The following ITPR1 variants were observed in gnomAD, a reference collection of about 807,000 sequenced individuals.
ITPR1 encodes inositol 1,4,5-trisphosphate receptor type 1, also known as inositol 1,4,5-trisphosphate-gated calcium channel ITPR1.
In ITPR1, 96 loss-of-function variants were observed where a neutral mutation model predicts 318.4. That is an observed-to-expected ratio of 0.30 (90% CI 0.26 to 0.36). The LOEUF is 0.36. Among genes scored for constraint, ITPR1 ranks in the 10% least tolerant of loss-of-function variants. ITPR1 has a pLI of 1.00. For missense variants in ITPR1, 2,440 were observed against 3,460.2 expected, an observed-to-expected ratio of 0.71 and a Z score of 7.40; for synonymous variants, 1,312 against 1,289.9, an observed-to-expected ratio of 1.02 and a Z score of -0.37.
intron 2 of ITPR1, among the ~76,000 whole-genome samples, chr3:4,496,903 A>G (rs1428511927): frequency 6.6e-6 from 1 of 152,254 alleles, no homozygotes; most frequent in Non-Finnish European, 1.5e-5. Context: ...AAATAAAAGT[A>G]GGCCTGGAGT....
intron 1 of ITPR1, 53 bp from the exon 2 acceptor site, chr3:4,494,378 G>C (rs946191173): frequency 1.3e-5 from 2 of 152,276 alleles, no homozygotes; most frequent in African/African-American, 4.8e-5. Flanking sequence ...ATTTCTGTTA[G>C]AGCTCATCTT....
At chr3:4,685,453 C>T (rs1243456994) in intron 30 of ITPR1, among the ~76,000 whole-genome samples, 2 of 152,240 alleles carry the variant, frequency 1.3e-5, no homozygotes, top group African/African-American at 4.8e-5. Flanking sequence ...ATTCTCCATA[C>T]TCCCAAGACA....
intron 4 of ITPR1, among the ~76,000 whole-genome samples, chr3:4,581,483 A>C (rs2089333025): frequency 6.6e-6 from 1 of 152,184 alleles, no homozygotes; most frequent in Non-Finnish European, 1.5e-5. Flanking sequence ...AGCCTCTTTT[A>C]GGAATATTTG....
At chr3:4,825,666 AG>A in intron 60 of ITPR1, 1 of 452,146 alleles carries the variant, frequency 2.2e-6, no homozygotes, top group Non-Finnish European at 4.4e-6. Flanking sequence ...CGTGTTAACA[AG>A]GGCAAAAGAT....
chr3:4,634,846 C>G (rs762641537), intron 5 of ITPR1, among the ~76,000 whole-genome samples: 1 of 152,180 alleles, frequency 6.6e-6, no homozygotes, highest in South Asian at 2.1e-4. Flanking sequence ...TCAAGTGATT[C>G]TCCTGCCTCA....
intron 55 of ITPR1, among the ~76,000 whole-genome samples, chr3:4,808,830 GT>G (rs1400895755): frequency 1.3e-5 from 2 of 152,166 alleles, no homozygotes; most frequent in African/African-American, 4.8e-5. Context: ...GGTAGGGAGG[GT>G]GATCTGGTGG....
Position 4,650,918 on chromosome 3 carries a change from T to A in ITPR1, c.856-1205T>A, listed in dbSNP as rs567687990. Among the ~76,000 whole-genome samples the A allele has an allele frequency of 5.9e-5, 9 of 152,334 alleles. No homozygotes were observed. In the South Asian group the frequency reaches 1.7e-3, roughly 28 times the overall value. ...TTTGTTGAGTATGTGGAGTCTGTTG[T>A]TCTTTAAAGAGTACTGAATTTTCTT... On this transcript the variant is annotated intron_variant, in intron 10 of 61. Coordinates refer to ENST00000649015, the MANE Select transcript of ITPR1 (RefSeq NM_001378452.1).
chr3:4,766,048 GA>G (rs2045796534), intron 44 of ITPR1, among the ~76,000 whole-genome samples: 1 of 152,154 alleles, frequency 6.6e-6, no homozygotes, highest in African/African-American at 2.4e-5. Flanking sequence ...CTGATTTATG[GA>G]CATGTCATCC....
intron 29 of ITPR1, 58 bp from the exon 30 acceptor site, chr3:4,685,011 A>T: frequency 6.4e-7 from 1 of 1,565,714 alleles, no homozygotes; most frequent in Non-Finnish European, 8.7e-7. Flanking sequence ...CACCCTCTGC[A>T]ATCTTTTTCC....
intron 50 of ITPR1, 118 bp downstream of exon 50, chr3:4,782,859 C>A: frequency 1.1e-6 from 1 of 942,426 alleles, no homozygotes; most frequent in Non-Finnish European, 1.4e-6. Context: ...ACTGTCTGTA[C>A]TCATGAGCCT....
intron 2 of ITPR1, among the ~76,000 whole-genome samples, chr3:4,511,181 G>A (rs144230726): frequency 2.1e-4 from 32 of 152,304 alleles, no homozygotes; most frequent in Admixed American, 4.6e-4. Context: ...GTATAGAGAA[G>A]GCAGAGAGCA....
In ITPR1 at chr3:4,761,585, A is replaced by G. The variant is rs959679435; in HGVS notation, c.5545-4945A>G. Among the ~76,000 whole-genome samples, 5 of 152,302 alleles carry G rather than the reference A, an allele frequency of 3.3e-5. No individual in the cohort carries two copies. In the South Asian group the frequency reaches 6.2e-4, roughly 19 times the overall value. ...ATGTTTCCCAGTCTGGGCCAGGTTT[A>G]TGTTGAAGGGCTACCTCACACCTGC... On this transcript the variant is annotated intron_variant, in intron 44 of 61. Transcript: ENST00000649015.
chr3:4,734,704 A>T (rs1046617466), intron 43 of ITPR1, among the ~76,000 whole-genome samples: 1 of 152,234 alleles, frequency 6.6e-6, no homozygotes, highest in South Asian at 2.1e-4. Flanking sequence ...CAGATAAATT[A>T]TGTAAAAGAG....
intron 61 of ITPR1, among the ~76,000 whole-genome samples, chr3:4,842,772 A>G (rs1347872899): frequency 2.0e-5 from 3 of 152,190 alleles, no homozygotes; most frequent in African/African-American, 7.2e-5. Context: ...TCAAGAGTCA[A>G]TTTTGTTTCA....
intron 44 of ITPR1, among the ~76,000 whole-genome samples, chr3:4,740,056 G>A (rs545475272): frequency 6.6e-5 from 10 of 152,284 alleles, no homozygotes; most frequent in Admixed American, 3.9e-4. Flanking sequence ...CATTCTATTG[G>A]TCAAAGCCAG....
intron 39 of ITPR1, among the ~76,000 whole-genome samples, chr3:4,712,814 C>T (rs1238714825): frequency 2.0e-5 from 3 of 152,160 alleles, no homozygotes; most frequent in Non-Finnish European, 4.4e-5. Context: ...AAACAGAAAA[C>T]GGATTTTGCA....
chr3:4,801,769 T>A (rs993622024), intron 54 of ITPR1, among the ~76,000 whole-genome samples: 1 of 151,336 alleles, frequency 6.6e-6, no homozygotes, highest in Non-Finnish European at 1.5e-5. Context: ...ATCTCAAAAA[T>A]AAATAAATGA....
At chr3:4,562,991 G>C (rs993468147) in intron 4 of ITPR1, among the ~76,000 whole-genome samples, 11 of 152,200 alleles carry the variant, frequency 7.2e-5, no homozygotes, top group Non-Finnish European at 1.5e-4. Flanking sequence ...AGGGCAGTTA[G>C]GGAAATCTTC....
At chr3:4,823,802 G>A (rs767610045) in intron 60 of ITPR1, among the ~76,000 whole-genome samples, 1 of 152,046 alleles carries the variant, frequency 6.6e-6, no homozygotes, top group Non-Finnish European at 1.5e-5. Flanking sequence ...GGTGATGGAC[G>A]CCCTAGATAC....
Sources: gnomAD v4.1 joint callset for allele counts (sites outside exome capture counted in the v4.1 genomes callset) on GRCh38, gnomAD v4.1.1 for gene constraint, MANE v1.5 for transcripts, NCBI Gene and HGNC (gene_info 2026-07-23, HGNC 2026-07-21) for gene names.